Variants in WDR47 observed in about 807,000 individuals in gnomAD.
WDR47 encodes WD repeat-containing protein 47.
A neutral mutation model predicts 97.2 loss-of-function variants in WDR47; 32 were observed. That is an observed-to-expected ratio of 0.33 (90% CI 0.25 to 0.44). The LOEUF (loss-of-function observed/expected upper bound fraction) is 0.44, where lower values mean the gene tolerates loss of function less well. Among genes scored for constraint, WDR47 ranks in the 20% least tolerant of loss-of-function variants. WDR47 has a pLI of 1.00. For missense variants in WDR47, 782 were observed against 1,102.3 expected (o/e 0.71, Z 4.11); for synonymous variants, 375 against 373.5 (o/e 1.00, Z -0.05).
chr1:108,986,272 G>C (rs1464356491), intron 10 of WDR47, among the ~76,000 whole-genome samples: 1 of 152,034 alleles, frequency 6.6e-6, no homozygotes, highest in African/African-American at 2.4e-5. Context: ...TGGAAATAAA[G>C]AAGTCTAAAG....
intron 2 of WDR47, among the ~76,000 whole-genome samples, chr1:109,021,594 A>C (rs1661847556): frequency 6.6e-6 from 1 of 151,198 alleles, no homozygotes; most frequent in Non-Finnish European, 1.5e-5. Context: ...ATAAATTGGG[A>C]ACAATTGTTT....
In WDR47 at chr1:109,039,500, C is replaced by G. The variant is rs571042119; in HGVS notation, c.-10+2362G>C. 1.3e-3 allele frequency among the ~76,000 whole-genome samples: 195 copies of G among 152,326 alleles called. 2 individuals are homozygous for G. Among genetic ancestry groups the G allele is most frequent in the Admixed American group, 0.01 (160 of 15,290 alleles). ...CTCAAACTCCTGACCTCACGTGATC[C>G]GCCCGCTTTGGCCTCCCAAAGTGCT... On this transcript the variant is annotated intron_variant, in intron 1 of 14. Coordinates refer to ENST00000369962, the MANE Select transcript of WDR47 (RefSeq NM_001142551.2).
chr1:108,976,402 G>T (rs1230354022), intron 13 of WDR47, among the ~76,000 whole-genome samples: 1 of 150,524 alleles, frequency 6.6e-6, no homozygotes, highest in Non-Finnish European at 1.5e-5. Context: ...AAGGTGGGAA[G>T]AATAACTGAT....
chr1:108,983,704 A>C (rs940649557), intron 10 of WDR47, among the ~76,000 whole-genome samples: 2 of 152,202 alleles, frequency 1.3e-5, no homozygotes, highest in African/African-American at 2.4e-5. Flanking sequence ...CTTAAAAAAA[A>C]AATCTCCGTT....
At chr1:108,983,502 C>T in intron 10 of WDR47, 51 bp from the exon 11 acceptor site, 2 of 1,474,300 alleles carry the variant, frequency 1.4e-6, no homozygotes, top group South Asian at 2.9e-5. Context: ...TTGCTACAAT[C>T]AGTTATGAGG....
intron 3 of WDR47, among the ~76,000 whole-genome samples, chr1:109,015,456 T>A (rs1228881871): frequency 6.6e-6 from 1 of 151,898 alleles, no homozygotes; most frequent in Non-Finnish European, 1.5e-5. Flanking sequence ...CCCAAGTAGC[T>A]GGGATTACAG....
intron 6 of WDR47, among the ~76,000 whole-genome samples, chr1:109,002,735 T>G (rs1023158183): frequency 6.6e-6 from 1 of 152,192 alleles, no homozygotes; most frequent in Non-Finnish European, 1.5e-5. Flanking sequence ...AATCTGGCAT[T>G]TCTTTAAAAA....
At chr1:109,005,943 G>A (rs1167211647) in intron 5 of WDR47, among the ~76,000 whole-genome samples, 2 of 152,094 alleles carry the variant, frequency 1.3e-5, no homozygotes, top group African/African-American at 4.8e-5. Flanking sequence ...TATTCTCTGT[G>A]GCTCAGCTTA....
rs1661042033 is a variant in WDR47 at position 109,011,618 on chromosome 1, A to G, written c.428T>C (p.Leu143Ser). ...DYSKLCLLLT[L>S]PRLTNHAEFK... ...CTCGGCATGATTGGTCAGACGAGGC[A>G]AAGTCAAAAGCAAACAGAGCTTACT... The change falls in exon 5 of 15, where the codon TTG becomes TCG. Residue 143 changes from leucine (L) to serine (S), a missense_variant. By Grantham distance (145) the Leu-to-Ser change is moderately radical. Coordinates refer to ENST00000369962, the MANE Select transcript of WDR47 (RefSeq NM_001142551.2). 1 of 1,614,106 alleles carries G rather than the reference A, an allele frequency of 6.2e-7. No individual in the cohort carries two copies. The highest frequency in any genetic ancestry group is 8.5e-7 in the Non-Finnish European group (1 of 1,180,046).
Position 109,010,999 on chromosome 1 carries a change from A to G in WDR47, c.1047T>C (p.His349=). The stretch of plus-strand genomic sequence containing the variant: ...TACTGAGGTTTTGTACCCCTGGATA[A>G]TGGAAGTTAGCAAAGGAGTGTGACA... ...SPMSHSFANF[H]YPGVQNLSRS... Residue 349 remains histidine (H), a synonymous_variant, in exon 5 of 15, where the codon CAT becomes CAC. Coordinates refer to ENST00000369962, the MANE Select transcript of WDR47 (RefSeq NM_001142551.2). The G allele has an allele frequency of 1.2e-6, 2 of 1,614,136 alleles. No individual in the cohort carries two copies. Among genetic ancestry groups the G allele is most frequent in the Non-Finnish European group, 1.7e-6 (2 of 1,180,040 alleles).
In WDR47 at chr1:108,995,833, T is replaced by C. The variant is rs770274999; in HGVS notation, c.1438A>G (p.Ile480Val). The C allele has an allele frequency of 3.1e-6, 5 of 1,613,338 alleles. No individual in the cohort carries two copies. The highest frequency in any genetic ancestry group is 2.2e-5 in the South Asian group (2 of 91,002). The change falls in exon 8 of 15, where the codon ATT (isoleucine) becomes GTT (valine). Residue 480 changes from isoleucine to valine, a missense_variant. Physicochemically the swap from Ile to Val is conservative, Grantham distance 29 (BLOSUM62 3). Transcript: ENST00000369962. ...ATATTTAATTCACCAAGCTTTTGAA[T>C]GGACCTATAAAATTAAACAATGTAA... ...NLTEQFLNRS[I>V]QKLGELNIGM... is the part of the protein sequence containing the mutation.
rs1315216845 is a variant in WDR47, at chr1:108,981,767, A to G, written c.2364T>C (p.Cys788=). 3.7e-6 allele frequency: 6 copies of G among 1,613,722 alleles called. No individual in the cohort carries two copies. The African/African-American group carries it at 5.3e-5, about 14-fold the overall frequency. Residue 788 remains cysteine (C), a synonymous_variant, in exon 13 of 15, where the codon TGT becomes TGC. Coordinates refer to ENST00000369962, the MANE Select transcript of WDR47 (RefSeq NM_001142551.2). ...GAAATGTTGTGCCAACAACACGAAC[A>G]CAACTTGGTACTCGAAGATCCCAAA... ...VRFWDLRVPS[C]VRVVGTTFHG...
At chr1:108,983,523 T>C in intron 10 of WDR47, 72 bp from the exon 11 acceptor site, 2 of 1,269,448 alleles carry the variant, frequency 1.6e-6, no homozygotes, top group South Asian at 2.5e-5. Context: ...TTCCATATTA[T>C]ACTTGTTCTT....
At chr1:109,017,166 A>G (rs1661477526) in intron 3 of WDR47, among the ~76,000 whole-genome samples, 1 of 152,202 alleles carries the variant, frequency 6.6e-6, no homozygotes, top group African/African-American at 2.4e-5. Flanking sequence ...GGGTCAGTGA[A>G]CATTAAATCA....
intron 3 of WDR47, 72 bp from the exon 4 acceptor site, chr1:109,013,997 G>C (rs139115313): frequency 1.7e-6 from 2 of 1,143,742 alleles, no homozygotes; most frequent in East Asian, 2.4e-5. Flanking sequence ...TACTATGTAA[G>C]TACTTTTGCT....
intron 1 of WDR47, among the ~76,000 whole-genome samples, chr1:109,037,310 C>G (rs1663022722): frequency 1.4e-5 from 2 of 144,498 alleles, no homozygotes; most frequent in Non-Finnish European, 3.0e-5. Flanking sequence ...GCCTGGGCAA[C>G]AAGAGCAAAA....
chr1:108,983,671 G>A (rs1658521203), intron 10 of WDR47, among the ~76,000 whole-genome samples: 1 of 151,340 alleles, frequency 6.6e-6, no homozygotes, highest in African/African-American at 2.4e-5. Context: ...CATTTCAGAT[G>A]ACAAAGGAAA....
At chr1:109,021,851 T>C (rs1661873334) in intron 2 of WDR47, among the ~76,000 whole-genome samples, 1 of 151,818 alleles carries the variant, frequency 6.6e-6, no homozygotes, top group African/African-American at 2.4e-5. Context: ...ATTTATTTAA[T>C]TTATTATTTA....
intron 2 of WDR47, 106 bp downstream of exon 2, chr1:109,023,249 G>A (rs1392153562): frequency 9.6e-7 from 1 of 1,037,530 alleles, no homozygotes; most frequent in African/African-American, 1.7e-5. Flanking sequence ...TACTTACATA[G>A]CCTTTTCATG....
Sources: gnomAD v4.1 joint callset for allele counts (sites outside exome capture counted in the v4.1 genomes callset) on GRCh38, gnomAD v4.1.1 for gene constraint, MANE v1.5 for transcripts, NCBI Gene and HGNC (gene_info 2026-07-23, HGNC 2026-07-21) for gene names.